Variants in SYT17 observed in about 807,000 individuals in gnomAD.
SYT17 encodes synaptotagmin 17.
In SYT17, 22 loss-of-function variants were observed where a neutral mutation model predicts 46.7. The ratio of observed to expected loss-of-function variants is 0.47; its 90% CI spans 0.34 to 0.67. The LOEUF (loss-of-function observed/expected upper bound fraction) is 0.67, where lower values mean the gene tolerates loss of function less well. SYT17 is among the 30% of genes least tolerant of loss of function. The pLI, the probability that SYT17 is intolerant of heterozygous loss-of-function variation, is 0.01. For missense variants in SYT17, 519 were observed against 612.8 expected (o/e 0.85, Z 1.62); for synonymous variants, 251 against 248.4 (o/e 1.01, Z -0.10).
chr16:19,267,336 G>T lies in SYT17; in HGVS notation c.*260G>T. On this transcript the variant is annotated 3_prime_UTR_variant, in exon 8 of 8. Transcript: ENST00000355377. The stretch of plus-strand genomic sequence containing the variant: ...CATCCATAGATCACAAGCTCAGTGG[G>T]CTCTGCCGTGGGACTTATTGGCAGT... The T allele has an allele frequency of 2.7e-6, 1 of 364,738 alleles. No homozygotes were observed. The highest frequency in any genetic ancestry group is 4.9e-6 in the Non-Finnish European group (1 of 202,608). 22.6% of individuals were successfully genotyped at this position (364,738 alleles called of 1,614,324 possible). A position where few individuals can be genotyped will look rare whatever the true frequency, so the allele number is the denominator to read the frequency against.
At chr16:19,217,080 G>C (rs1966123818) in intron 5 of SYT17, among the ~76,000 whole-genome samples, 1 of 152,124 alleles carries the variant, frequency 6.6e-6, no homozygotes, top group Admixed American at 6.5e-5. Flanking sequence ...ATTTTAACTG[G>C]TGTAAGATGA....
intron 5 of SYT17, chr16:19,211,372 G>T (rs1320440093): frequency 1.4e-6 from 1 of 703,258 alleles, no homozygotes; most frequent in Non-Finnish European, 2.6e-6. Context: ...GGGCTGCACT[G>T]CTTGATCTTG....
At chr16:19,180,065 G>A (rs1964485074) in intron 3 of SYT17, 1 of 277,826 alleles carries the variant, frequency 3.6e-6, no homozygotes, top group East Asian at 7.5e-5. Flanking sequence ...GACAGGTCTC[G>A]GGCTTCACTG....
chr16:19,233,117 T>G (rs1220902053), intron 7 of SYT17, among the ~76,000 whole-genome samples: 1 of 152,216 alleles, frequency 6.6e-6, no homozygotes, highest in Non-Finnish European at 1.5e-5. Flanking sequence ...CCTCTCGCCC[T>G]GCTGTCTGTC....
chr16:19,218,094 G>T (rs1966163907), intron 5 of SYT17, among the ~76,000 whole-genome samples: 2 of 152,270 alleles, frequency 1.3e-5, no homozygotes, highest in South Asian at 4.1e-4. Flanking sequence ...TCTGCAAGAT[G>T]GAAGCCTCTG....
intron 7 of SYT17, among the ~76,000 whole-genome samples, chr16:19,252,757 C>T (rs1400683007): frequency 6.6e-6 from 1 of 151,340 alleles, no homozygotes; most frequent in East Asian, 2.0e-4. Flanking sequence ...ATTAGGGTCA[C>T]TGGGAAAACT....
At chr16:19,194,473 G>A (rs1167733809) in intron 5 of SYT17, among the ~76,000 whole-genome samples, 1 of 152,180 alleles carries the variant, frequency 6.6e-6, no homozygotes, top group Non-Finnish European at 1.5e-5. Context: ...CGTGTTCTGG[G>A]GTCAACAGGA....
intron 7 of SYT17, among the ~76,000 whole-genome samples, chr16:19,266,499 T>C (rs1969366149): frequency 1.3e-5 from 2 of 152,220 alleles, no homozygotes; most frequent in African/African-American, 4.8e-5. Context: ...GGCTCACTGT[T>C]CCACTAGAAC....
intron 3 of SYT17, among the ~76,000 whole-genome samples, chr16:19,178,274 A>G (rs918184644): frequency 2.7e-5 from 4 of 150,448 alleles, no homozygotes; most frequent in African/African-American, 7.4e-5. Flanking sequence ...TTTAGTAGAG[A>G]TGGGGTTTCA....
At chr16:19,180,010 G>A (rs1205073407) in intron 3 of SYT17, among the ~76,000 whole-genome samples, 1 of 152,140 alleles carries the variant, frequency 6.6e-6, no homozygotes, top group Non-Finnish European at 1.5e-5. Context: ...GCAGAAGTTC[G>A]GATGCCTATA....
At chr16:19,182,925 C>T (rs1964615392) in intron 4 of SYT17, among the ~76,000 whole-genome samples, 1 of 152,182 alleles carries the variant, frequency 6.6e-6, no homozygotes. Context: ...AGGTAGGTGC[C>T]GTTATTGACT....
intron 5 of SYT17, among the ~76,000 whole-genome samples, chr16:19,213,307 C>A (rs898080900): frequency 6.6e-6 from 1 of 152,168 alleles, no homozygotes; most frequent in Non-Finnish European, 1.5e-5. Context: ...TTGGACCACA[C>A]AATCTAAGCT....
At chr16:19,181,475 G>A (rs1473549762) in intron 4 of SYT17, among the ~76,000 whole-genome samples, 2 of 150,816 alleles carry the variant, frequency 1.3e-5, no homozygotes, top group African/African-American at 2.4e-5. Flanking sequence ...GAAAAAAGTA[G>A]AAAAAAAAAG....
chr16:19,209,161 A>G (rs1282159622), intron 5 of SYT17, among the ~76,000 whole-genome samples: 1 of 151,850 alleles, frequency 6.6e-6, no homozygotes, highest in Non-Finnish European at 1.5e-5. Context: ...GAGCCACTGC[A>G]CCCTGCCAGG....
At chr16:19,175,102 C>A (rs1964262302) in intron 3 of SYT17, among the ~76,000 whole-genome samples, 1 of 151,648 alleles carries the variant, frequency 6.6e-6, no homozygotes, top group Non-Finnish European at 1.5e-5. Flanking sequence ...GCACTCCAGC[C>A]TGGGAAAGAA....
Position 19,267,107 on chromosome 16 carries a change from T to TCAAA in SYT17, c.*31_*32insCAAA. 1 of 1,312,364 alleles carries TCAAA rather than the reference T, an allele frequency of 7.6e-7. No homozygotes were observed. The highest frequency in any genetic ancestry group is 1.7e-5 in the South Asian group (1 of 59,630). The allele number at this position is 1,312,364 out of a possible 1,614,324, so 81.3% of individuals were successfully genotyped here. A position where few individuals can be genotyped will look rare whatever the true frequency, so the allele number is the denominator to read the frequency against. ...GCAGGGAAGGCAGCTTTCATTTGTTTAAAAAAAAAAAAAAAAGACGGAAAA... is the reference window on the plus strand; with the variant it reads ...GCAGGGAAGGCAGCTTTCATTTGTTTCAAAAAAAAAAAAAAAAAAAGACGGAAAA... On this transcript the variant is annotated 3_prime_UTR_variant, in exon 8 of 8. Transcript: ENST00000355377.
chr16:19,231,553 A>G (rs1428841144), intron 7 of SYT17, among the ~76,000 whole-genome samples: 2 of 149,446 alleles, frequency 1.3e-5, no homozygotes, highest in African/African-American at 5.0e-5. Context: ...AAAAAAAAGA[A>G]AAGAAAAAAG....
intron 7 of SYT17, among the ~76,000 whole-genome samples, chr16:19,232,695 G>C (rs976462329): frequency 3.3e-5 from 5 of 152,054 alleles, no homozygotes; most frequent in African/African-American, 1.2e-4. Context: ...GCTGGTCATG[G>C]TGGTGCATGC....
At chr16:19,220,303 C>CTTTTTTTTTTTTTTTTTTTTTT (rs1555459738) in intron 5 of SYT17, among the ~76,000 whole-genome samples, 1 of 80,514 alleles carries the variant, frequency 1.2e-5, no homozygotes, top group African/African-American at 5.0e-5. Context: ...TTCTTTCTTT[C>CTTTTTTTTTTTTTTTTTTTTTT]TTTTTTTTTT....
Sources: allele counts gnomAD v4.1 joint callset (sites outside exome capture counted in the v4.1 genomes callset), GRCh38; gene constraint gnomAD v4.1.1; transcripts MANE v1.5; gene names NCBI Gene and HGNC (gene_info 2026-07-23, HGNC 2026-07-21).